The following TBCA variants were observed in gnomAD, a reference collection of about 807,000 sequenced individuals.
TBCA encodes tubulin folding cofactor A, also known as tubulin-specific chaperone A.
TBCA carries 6 observed loss-of-function variants against 15.8 expected under a neutral mutation model. That is an observed-to-expected ratio of 0.38 (90% CI 0.21 to 0.75). The LOEUF is 0.75. Ranked by LOEUF, TBCA falls within the 30% of genes least tolerant of loss-of-function variation. TBCA has a pLI of 0.46. For missense variants in TBCA, 90 were observed against 131.2 expected (o/e 0.69, Z 1.53); for synonymous variants, 32 against 42.3 (o/e 0.76, Z 0.94).
chr5:77,720,443 G>T (rs900062972), intron 1 of TBCA, among the ~76,000 whole-genome samples: 1 of 152,224 alleles, frequency 6.6e-6, no homozygotes, highest in African/African-American at 2.4e-5. Context: ...GCCAGGCGCG[G>T]TGGCTCTCGC....
intron 1 of TBCA, among the ~76,000 whole-genome samples, chr5:77,720,311 C>T (rs917267593): frequency 1.3e-5 from 2 of 152,076 alleles, no homozygotes; most frequent in Non-Finnish European, 2.9e-5. Flanking sequence ...TGAGACTATA[C>T]AATTACTAGA....
At chr5:77,746,337 T>C (rs1013749436) in intron 1 of TBCA, among the ~76,000 whole-genome samples, 1 of 152,184 alleles carries the variant, frequency 6.6e-6, no homozygotes, top group African/African-American at 2.4e-5. Flanking sequence ...TTATTTCTGA[T>C]TTATAAGACC....
At chr5:77,763,071 G>C (rs556174086) in intron 1 of TBCA, among the ~76,000 whole-genome samples, 5 of 152,148 alleles carry the variant, frequency 3.3e-5, no homozygotes, top group African/African-American at 1.2e-4. Flanking sequence ...GTGAAACCCC[G>C]TCTCTACTAA....
At chr5:77,747,315 T>G (rs1747210148) in intron 1 of TBCA, among the ~76,000 whole-genome samples, 1 of 152,036 alleles carries the variant, frequency 6.6e-6, no homozygotes, top group African/African-American at 2.4e-5. Context: ...CAGTGAAAAA[T>G]ACTAGCATTT....
intron 1 of TBCA, among the ~76,000 whole-genome samples, chr5:77,764,167 G>A (rs75155937): frequency 0.069 from 10,527 of 152,076 alleles, 574 homozygotes; most frequent in East Asian, 0.18. Flanking sequence ...TAAATGACAC[G>A]TTTTAGCAAT....
intron 1 of TBCA, among the ~76,000 whole-genome samples, chr5:77,774,877 T>C (rs1226758084): frequency 6.6e-6 from 1 of 151,064 alleles, no homozygotes; most frequent in Non-Finnish European, 1.5e-5. Context: ...AAAATAAATC[T>C]CAGGACCCCA....
chr5:77,771,622 C>A (rs913824233), intron 1 of TBCA, among the ~76,000 whole-genome samples: 2 of 152,232 alleles, frequency 1.3e-5, no homozygotes, highest in Non-Finnish European at 2.9e-5. Context: ...TAGGTCAACT[C>A]TGCCATTTTG....
At chr5:77,773,612 T>C (rs1747958985) in intron 1 of TBCA, among the ~76,000 whole-genome samples, 2 of 152,194 alleles carry the variant, frequency 1.3e-5, no homozygotes, top group African/African-American at 4.8e-5. Flanking sequence ...ACTTCACAAA[T>C]GGCTGTGCAT....
At chr5:77,750,915 C>T (rs533854711) in intron 1 of TBCA, among the ~76,000 whole-genome samples, 3 of 152,194 alleles carry the variant, frequency 2.0e-5, no homozygotes, top group African/African-American at 7.2e-5. Context: ...TAGATTTAAA[C>T]ATATTCTGAT....
intron 1 of TBCA, among the ~76,000 whole-genome samples, chr5:77,775,090 G>A (rs1223625992): frequency 6.6e-6 from 1 of 151,896 alleles, no homozygotes; most frequent in African/African-American, 2.4e-5. Context: ...ATTTCACCCT[G>A]GCAATGTAAA....
chr5:77,703,957 T>G (rs1746085144), intron 2 of TBCA, among the ~76,000 whole-genome samples: 1 of 152,056 alleles, frequency 6.6e-6, no homozygotes, highest in Non-Finnish European at 1.5e-5. Context: ...GGTTTCAAAG[T>G]GCGGCACTTC....
intron 2 of TBCA, among the ~76,000 whole-genome samples, chr5:77,699,366 A>T (rs1341342362): frequency 3.3e-5 from 5 of 152,352 alleles, no homozygotes; most frequent in Admixed American, 6.5e-5. Context: ...TTACTACATC[A>T]GTACAGAATC....
chr5:77,764,124 T>C (rs1034427947), intron 1 of TBCA, among the ~76,000 whole-genome samples: 9 of 152,248 alleles, frequency 5.9e-5, no homozygotes, highest in African/African-American at 2.2e-4. Context: ...TCCCAGAAAA[T>C]GCCCTTCTTA....
intron 1 of TBCA, among the ~76,000 whole-genome samples, chr5:77,750,191 TAC>T (rs375457150): frequency 0.011 from 1,655 of 151,540 alleles, 19 homozygotes; most frequent in Non-Finnish European, 0.014. Flanking sequence ...CAAATACATA[TAC>T]ACACACACAT....
In TBCA at chr5:77,691,415, G is replaced by T. The variant is rs367756338; in HGVS notation, c.*3C>A. The T allele has an allele frequency of 1.0e-4, 160 of 1,593,248 alleles. No individual in the cohort carries two copies. The African/African-American group carries it at 2.1e-3, about 21-fold the overall frequency. On this transcript the variant is annotated 3_prime_UTR_variant, in exon 4 of 4. Transcript: ENST00000380377. ...GCAAAAACCACCCCATACGAGAAAA[G>T]TTTCAGGCTTCTAACTTCACTGAAT... is the stretch of plus-strand genomic sequence containing the variant.
chr5:77,772,357 T>C (rs1049944678), intron 1 of TBCA, among the ~76,000 whole-genome samples: 20 of 152,102 alleles, frequency 1.3e-4, no homozygotes, highest in Non-Finnish European at 1.6e-4. Flanking sequence ...TAAAAATAGG[T>C]TGCAGGGTTT....
intron 3 of TBCA, chr5:77,692,754 T>C: frequency 1.0e-6 from 1 of 996,738 alleles, no homozygotes; most frequent in Non-Finnish European, 1.2e-6. Context: ...ACAAGGCATT[T>C]ATACCAGCAA....
At chr5:77,730,148 C>G (rs915413730) in intron 1 of TBCA, among the ~76,000 whole-genome samples, 6 of 152,170 alleles carry the variant, frequency 3.9e-5, no homozygotes, top group Non-Finnish European at 8.8e-5. Context: ...ACCCAAAATT[C>G]ATGTCAACCC....
chr5:77,731,138 T>C (rs943078602), intron 1 of TBCA, among the ~76,000 whole-genome samples: 6 of 152,212 alleles, frequency 3.9e-5, no homozygotes, highest in African/African-American at 1.4e-4. Context: ...ACGAATGTCC[T>C]ATCAATTGAC....
Sources: allele counts gnomAD v4.1 joint callset (sites outside exome capture counted in the v4.1 genomes callset), GRCh38; gene constraint gnomAD v4.1.1; transcripts MANE v1.5; gene names NCBI Gene and HGNC (gene_info 2026-07-23, HGNC 2026-07-21).